PCDHA1: variants seen among roughly 807,000 people sequenced by gnomAD.
PCDHA1 encodes protocadherin alpha-1.
In PCDHA1, 42 loss-of-function variants were observed where a neutral mutation model predicts 61.3. The ratio of observed to expected loss-of-function variants is 0.69; its 90% CI spans 0.54 to 0.89. The LOEUF (loss-of-function observed/expected upper bound fraction) is 0.89, where lower values mean the gene tolerates loss of function less well. PCDHA1 is among the 40% of genes least tolerant of loss of function. The probability of loss-of-function intolerance (pLI) is 0.00; values close to 1 mark genes in which losing one functional copy is unlikely to be tolerated. For synonymous variants in PCDHA1, 610 were observed against 553.8 expected (o/e 1.10, Z -1.43); for missense variants, 1,256 against 1,235.3 (o/e 1.02, Z -0.25).
intron 1 of PCDHA1, among the ~76,000 whole-genome samples, chr5:140,874,171 G>C (rs2054750145): frequency 6.6e-6 from 1 of 152,080 alleles, no homozygotes; most frequent in Admixed American, 6.5e-5. Flanking sequence ...ACTCTTTCCT[G>C]GTGTTGTAAA....
rs782547817 is a variant in PCDHA1, at chr5:140,786,313, G to A, written c.23G>A (p.Gly8Asp). ...GCAATGGTGTTTTCTAGGAGAGGGGGCCTGGGAGCCCGGGATCTGCTTCTT... is the reference window on the plus strand; with the variant it reads ...GCAATGGTGTTTTCTAGGAGAGGGGACCTGGGAGCCCGGGATCTGCTTCTT... MVFSRRG[G>D]LGARDLLLWL... Residue 8 changes from glycine (G) to aspartate (D), a missense_variant, in exon 1 of 4, where the codon GGC becomes GAC. Coordinates refer to ENST00000504120, the MANE Select transcript of PCDHA1 (RefSeq NM_018900.4). The A allele has an allele frequency of 1.9e-5, 31 of 1,610,410 alleles. No homozygotes were observed. In the South Asian group the frequency reaches 3.3e-4, roughly 17 times the overall value.
chr5:140,966,240 G>A (rs1372436745), intron 1 of PCDHA1: 3 of 306,008 alleles, frequency 9.8e-6, no homozygotes, highest in Non-Finnish European at 1.8e-5. Flanking sequence ...GACCCGTTAA[G>A]CAGGGGAGAG....
intron 1 of PCDHA1, chr5:140,868,962 A>G (rs1554162350): frequency 1.4e-5 from 20 of 1,421,940 alleles, no homozygotes; most frequent in Non-Finnish European, 3.8e-6. Flanking sequence ...CTCCCATACA[A>G]AGGAACTCCA....
chr5:140,993,949 T>C (rs1330727166), intron 3 of PCDHA1, among the ~76,000 whole-genome samples: 1 of 152,204 alleles, frequency 6.6e-6, no homozygotes, highest in Non-Finnish European at 1.5e-5. Flanking sequence ...TGTTAAGTGA[T>C]ACATGACTGT....
chr5:140,947,704 G>T (rs1199039011), intron 1 of PCDHA1, among the ~76,000 whole-genome samples: 2 of 151,488 alleles, frequency 1.3e-5, no homozygotes, highest in East Asian at 3.9e-4. Flanking sequence ...GTAGTTTTAA[G>T]TATTGAGGTT....
At chr5:141,004,935 A>AATTTCTT (rs2098189293) in intron 3 of PCDHA1, among the ~76,000 whole-genome samples, 1 of 152,112 alleles carries the variant, frequency 6.6e-6, no homozygotes, top group African/African-American at 2.4e-5. Context: ...GAGAGAAGAA[A>AATTTCTT]ATTTCTTACC....
chr5:140,860,972 C>G (rs539931081), intron 1 of PCDHA1: 1 of 152,196 alleles, frequency 6.6e-6, no homozygotes, highest in Non-Finnish European at 1.5e-5. Context: ...CTCCTGACCT[C>G]GTGATCCACC....
At chr5:140,840,375 A>G (rs1776670697) in intron 1 of PCDHA1, among the ~76,000 whole-genome samples, 1 of 151,962 alleles carries the variant, frequency 6.6e-6, no homozygotes, top group Non-Finnish European at 1.5e-5. Context: ...AGAAAATGAA[A>G]ATAGGGGGTT....
intron 1 of PCDHA1, chr5:140,804,610 T>C (rs1554123107): frequency 6.5e-6 from 1 of 152,848 alleles, no homozygotes; most frequent in East Asian, 1.9e-4. Flanking sequence ...TATAATGTTA[T>C]TACTGGTTAA....
chr5:140,991,075 G>A (rs2097430816), intron 3 of PCDHA1, among the ~76,000 whole-genome samples: 1 of 152,134 alleles, frequency 6.6e-6, no homozygotes, highest in Non-Finnish European at 1.5e-5. Flanking sequence ...CCATGTTTCA[G>A]ATAAAAAAAT....
intron 3 of PCDHA1, among the ~76,000 whole-genome samples, chr5:140,997,495 C>T (rs1255911617): frequency 6.6e-6 from 1 of 152,078 alleles, no homozygotes; most frequent in East Asian, 1.9e-4. Context: ...ATTTGTGTAT[C>T]TCAACATACC....
rs1277390291 is a variant in PCDHA1 at position 140,926,661 on chromosome 5, A to T, written c.2395-52288A>T. 7.5e-6 allele frequency: 4 copies of T among 536,378 alleles called. No homozygotes were observed. In the African/African-American group the frequency reaches 7.9e-5, roughly 11 times the overall value. The allele number at this position is 536,378 out of a possible 1,614,324, so 33.2% of individuals were successfully genotyped here. A position where few individuals can be genotyped will look rare whatever the true frequency, so the allele number is the denominator to read the frequency against. On this transcript the variant is annotated intron_variant, in intron 1 of 3. Coordinates refer to ENST00000504120, the MANE Select transcript of PCDHA1 (RefSeq NM_018900.4). ...AACACCCGGCCGGCTCCGCTTTCCC[A>T]GACGGCTGCCCAGCCTCCAGCCTAG...
intron 1 of PCDHA1, chr5:140,969,130 C>A (rs1353677478): frequency 2.5e-6 from 4 of 1,614,132 alleles, no homozygotes; most frequent in Non-Finnish European, 1.7e-6. Context: ...GCTCCCTCAC[C>A]AAGACCTACT....
At chr5:140,889,240 T>C (rs782266675) in intron 1 of PCDHA1, among the ~76,000 whole-genome samples, 4 of 151,692 alleles carry the variant, frequency 2.6e-5, no homozygotes, top group Non-Finnish European at 4.4e-5. Context: ...TTCCAGAAAA[T>C]TTTCTGTTTC....
chr5:140,797,842 T>G (rs1243497104), intron 1 of PCDHA1, among the ~76,000 whole-genome samples: 1 of 149,426 alleles, frequency 6.7e-6, no homozygotes, highest in Non-Finnish European at 1.5e-5. Flanking sequence ...GTTAATAAGC[T>G]ACATTTTTTT....
chr5:140,863,854 A>T (rs984993232), intron 1 of PCDHA1: 2 of 177,552 alleles, frequency 1.1e-5, no homozygotes, highest in Admixed American at 1.1e-4. Context: ...TAAAAAAATT[A>T]GCTGGGTGTG....
rs2150432848 is a variant in PCDHA1, at chr5:140,849,209, T to C, written c.2394+60525T>C. On this transcript the variant is annotated intron_variant, in intron 1 of 3. Coordinates refer to ENST00000504120, the MANE Select transcript of PCDHA1 (RefSeq NM_018900.4). ...TCACGGTACTGGACAACAATGACAA[T>C]GCCCCAGTGTTCGACAGAACCCTGT... 32 of 1,032,540 alleles carry C rather than the reference T, an allele frequency of 3.1e-5. 2 individuals carry two copies. In the African/African-American group the frequency reaches 5.7e-4, roughly 18 times the overall value. The allele number at this position is 1,032,540 out of a possible 1,614,324, so 64.0% of individuals were successfully genotyped here. A position where few individuals can be genotyped will look rare whatever the true frequency, so the allele number is the denominator to read the frequency against.
At chr5:140,954,222 G>A (rs2094999300) in intron 1 of PCDHA1, among the ~76,000 whole-genome samples, 1 of 152,132 alleles carries the variant, frequency 6.6e-6, no homozygotes, top group African/African-American at 2.4e-5. Context: ...TTTTGCTATT[G>A]TGAATAGTGC....
chr5:140,809,610 GT>G (rs1419017623), intron 1 of PCDHA1: 3 of 1,519,732 alleles, frequency 2.0e-6, no homozygotes, highest in Admixed American at 2.2e-5. Flanking sequence ...TTTTCGTATT[GT>G]TTTTCTCTAT....
Sources: gnomAD v4.1 joint callset for allele counts (sites outside exome capture counted in the v4.1 genomes callset) on GRCh38, gnomAD v4.1.1 for gene constraint, MANE v1.5 for transcripts, NCBI Gene and HGNC (gene_info 2026-07-23, HGNC 2026-07-21) for gene names.